NAV3: variants seen among roughly 807,000 people sequenced by gnomAD.
The protein encoded by NAV3 is neuron navigator 3, also known as pore membrane and/or filament interacting like protein 1.
Under a neutral mutation model 244.7 loss-of-function variants are expected in NAV3, and 87 were observed. The ratio of observed to expected loss-of-function variants is 0.36; its 90% CI spans 0.30 to 0.42. The LOEUF (loss-of-function observed/expected upper bound fraction) is 0.42, where lower values mean the gene tolerates loss of function less well. Among genes scored for constraint, NAV3 ranks in the 20% least tolerant of loss-of-function variants. NAV3 has a pLI of 1.00. For missense variants in NAV3, 2,663 were observed against 2,893.3 expected (o/e 0.92, Z 1.83); for synonymous variants, 1,126 against 1,042.2 (o/e 1.08, Z -1.55).
chr12:78,119,491 TCTG>T lies in NAV3; in HGVS notation c.3300_3302del (p.Ala1101del). ...TGCAACACTGGGTAAAATTCCAAAATCTGCTGCCATTGGCGGGAAGTCAAATGC... is the reference window on the plus strand; with the variant it reads ...TGCAACACTGGGTAAAATTCCAAAATCTGCCATTGGCGGGAAGTCAAATGC... On this transcript the variant is annotated inframe_deletion, in exon 15 of 40. Coordinates refer to ENST00000397909, the MANE Select transcript of NAV3 (RefSeq NM_001024383.2). 1 of 1,614,118 alleles carries T rather than the reference TCTG, an allele frequency of 6.2e-7. No individual in the cohort carries two copies. The highest frequency in any genetic ancestry group is 8.5e-7 in the Non-Finnish European group (1 of 1,180,038).
intron 2 of NAV3, among the ~76,000 whole-genome samples, chr12:77,708,363 G>T (rs1875937094): frequency 6.6e-6 from 1 of 152,132 alleles, no homozygotes; most frequent in South Asian, 2.1e-4. Context: ...AGATCAGATG[G>T]TTGTAGATGT....
chr12:77,692,463 A>T (rs1323379124), intron 2 of NAV3, among the ~76,000 whole-genome samples: 2 of 152,032 alleles, frequency 1.3e-5, no homozygotes, highest in African/African-American at 2.4e-5. Context: ...CAATGATGTC[A>T]CCAATAGGCT....
intron 2 of NAV3, among the ~76,000 whole-genome samples, chr12:77,574,376 T>TCACA (rs1383119935): frequency 6.6e-6 from 1 of 152,070 alleles, no homozygotes; most frequent in East Asian, 1.9e-4. Context: ...ACACAATGAG[T>TCACA]CACAGTGAGT....
chr12:77,628,547 T>C (rs1871739909), intron 2 of NAV3, among the ~76,000 whole-genome samples: 1 of 152,202 alleles, frequency 6.6e-6, no homozygotes, highest in Admixed American at 6.5e-5. Flanking sequence ...TTAATTACGT[T>C]ATCTATTTTC....
rs185109453 is a variant in NAV3, at chr12:77,743,036, T to C, written c.72+170770T>C. Among the ~76,000 whole-genome samples the C allele has an allele frequency of 1.4e-3, 210 of 152,170 alleles. 1 individual carries two copies. Among genetic ancestry groups the C allele is most frequent in the Non-Finnish European group, 1.9e-3 (129 of 67,920 alleles). ...GTTATACAAGAAAAAGTTGAATTGC[T>C]TGATACTTACCATAGATTGAGATTT... On this transcript the variant is annotated intron_variant, in intron 2 of 8. Coordinates refer to the NAV3 transcript ENST00000550042.
rs549368853 is a variant in NAV3, at chr12:77,743,927, T to G, written c.72+171661T>G. On this transcript the variant is annotated intron_variant, in intron 2 of 8. Transcript: ENST00000550042. Reference sequence around the variant, plus strand: ...AACTGTAAGGAGACATCAGTAGAGATAAAAGGATGGTATTACTTAATGACA... The same window carrying G: ...AACTGTAAGGAGACATCAGTAGAGAGAAAAGGATGGTATTACTTAATGACA... Among the ~76,000 whole-genome samples the G allele has an allele frequency of 2.6e-5, 4 of 151,836 alleles. No individual in the cohort carries two copies. The South Asian group carries it at 8.3e-4, about 32-fold the overall frequency.
At chr12:77,617,658 C>T (rs550312574) in intron 2 of NAV3, among the ~76,000 whole-genome samples, 8 of 152,042 alleles carry the variant, frequency 5.3e-5, no homozygotes, top group South Asian at 2.1e-4. Context: ...AGGAATTCTG[C>T]GTTGGGGCTT....
chr12:78,074,871 C>A (rs903618382), intron 12 of NAV3, among the ~76,000 whole-genome samples: 1 of 152,148 alleles, frequency 6.6e-6, no homozygotes, highest in Non-Finnish European at 1.5e-5. Flanking sequence ...AGTGGTCAGA[C>A]CTCCAGTTGT....
At chr12:78,041,600 C>G (rs1880872818) in intron 9 of NAV3, among the ~76,000 whole-genome samples, 4 of 152,112 alleles carry the variant, frequency 2.6e-5, no homozygotes, top group Non-Finnish European at 5.9e-5. Context: ...CTGGAAGGAG[C>G]CATCTCTTAC....
At position 78,211,154 on chromosome 12, in the gene NAV3, T is replaced by A. The variant is rs1361812261; in HGVS notation, c.*637T>A. On this transcript the variant is annotated 3_prime_UTR_variant, in exon 40 of 40. Transcript: ENST00000397909. ...ATGATGTGCTCCACCAACTTTTTAG[T>A]ATATGAGTCACTGGTTTTATAAGGT... The A allele has an allele frequency of 1.3e-5, 2 of 152,690 alleles. No homozygotes were observed. The highest frequency in any genetic ancestry group is 2.9e-5 in the Non-Finnish European group (2 of 68,068). The allele number at this position is 152,690 out of a possible 1,614,324, so 9.5% of individuals were successfully genotyped here.
intron 12 of NAV3, chr12:78,091,480 C>T (rs1282456786): frequency 6.6e-6 from 1 of 152,138 alleles, no homozygotes; most frequent in African/African-American, 2.4e-5. Flanking sequence ...TAACTGAAAA[C>T]AGTGTATTAA....
chr12:77,696,868 T>G (rs1181143070), intron 2 of NAV3, among the ~76,000 whole-genome samples: 1 of 152,184 alleles, frequency 6.6e-6, no homozygotes, highest in Admixed American at 6.5e-5. Flanking sequence ...TTAAAGAGTT[T>G]GACTCATGTA....
Position 78,118,286 on chromosome 12 carries a change from T to C in NAV3, c.3029T>C (p.Leu1010Pro), listed in dbSNP as rs747267130. 2 of 1,604,160 alleles carry C rather than the reference T, an allele frequency of 1.2e-6. No individual in the cohort carries two copies. The highest frequency in any genetic ancestry group is 8.5e-7 in the Non-Finnish European group (1 of 1,172,768). Reference protein sequence around the residue: ...PSRQKAGTSALKTPGKTDDAK... With the variant: ...PSRQKAGTSAPKTPGKTDDAK... ...AGGCAGAAAGCTGGAACAAGTGCAC[T>C]CAAAACACCCGGTAGGCTTGTCGTT... The change falls in exon 14 of 40, where the codon CTC becomes CCC. Residue 1010 changes from leucine to proline, a missense_variant. Leu to Pro is a moderately conservative substitution (Grantham distance 98). Coordinates refer to ENST00000397909, the MANE Select transcript of NAV3 (RefSeq NM_001024383.2).
chr12:78,056,602 A>G (rs371690950), intron 11 of NAV3, among the ~76,000 whole-genome samples: 1 of 152,014 alleles, frequency 6.6e-6, no homozygotes, highest in East Asian at 1.9e-4. Flanking sequence ...GGTGGTGCAC[A>G]CCAGTAATCT....
At chr12:78,087,287 T>G (rs920888884) in intron 12 of NAV3, among the ~76,000 whole-genome samples, 2 of 152,024 alleles carry the variant, frequency 1.3e-5, no homozygotes, top group African/African-American at 4.8e-5. Flanking sequence ...GACCTTGACA[T>G]GTATAATCTA....
chr12:78,147,321 G>A (rs752065290), intron 21 of NAV3, among the ~76,000 whole-genome samples: 3 of 151,924 alleles, frequency 2.0e-5, no homozygotes, highest in Non-Finnish European at 2.9e-5. Flanking sequence ...CTGAAGCATC[G>A]AAATGCTACA....
chr12:77,597,745 G>C (rs937476659), intron 2 of NAV3, among the ~76,000 whole-genome samples: 1 of 151,994 alleles, frequency 6.6e-6, no homozygotes, highest in Non-Finnish European at 1.5e-5. Context: ...AAAACAGAAG[G>C]ATGTACAAAG....
chr12:77,897,188 T>C (rs949445857), intron 1 of NAV3, among the ~76,000 whole-genome samples: 13 of 152,220 alleles, frequency 8.5e-5, no homozygotes, highest in South Asian at 6.2e-4. Context: ...CCATGACTTT[T>C]AAATCTTCCC....
chr12:78,169,283 G>C (rs886315989), intron 24 of NAV3, among the ~76,000 whole-genome samples: 7 of 151,700 alleles, frequency 4.6e-5, no homozygotes, highest in African/African-American at 1.7e-4. Flanking sequence ...GATATAGTAA[G>C]CAGTGGGCAT....
Sources: gnomAD v4.1 joint callset for allele counts (sites outside exome capture counted in the v4.1 genomes callset) on GRCh38, gnomAD v4.1.1 for gene constraint, MANE v1.5 for transcripts, NCBI Gene and HGNC (gene_info 2026-07-23, HGNC 2026-07-21) for gene names.